The following CCDC7 variants were observed in gnomAD, a reference collection of about 807,000 sequenced individuals.
CCDC7 encodes coiled-coil domain-containing protein 7.
CCDC7 carries 183 observed loss-of-function variants against 196.9 expected under a neutral mutation model. The ratio of observed to expected loss-of-function variants is 0.93; its 90% CI spans 0.82 to 1.05. The LOEUF (loss-of-function observed/expected upper bound fraction) is 1.05. Ranked by LOEUF, CCDC7 falls within the 50% of genes least tolerant of loss-of-function variation. The pLI, the probability that CCDC7 is intolerant of heterozygous loss-of-function variation, is 0.00. For missense variants in CCDC7, 1,540 were observed against 1,482.2 expected (o/e 1.04, Z -0.64); for synonymous variants, 525 against 484.6 (o/e 1.08, Z -1.10).
intron 11 of CCDC7, among the ~76,000 whole-genome samples, chr10:32,532,651 G>C (rs2049858611): frequency 6.6e-6 from 1 of 152,084 alleles, no homozygotes; most frequent in Admixed American, 6.5e-5. Context: ...ATATATCTGG[G>C]AGTTCTGTTG....
intron 28 of CCDC7, among the ~76,000 whole-genome samples, chr10:32,750,574 G>A (rs1592330425): frequency 6.6e-6 from 1 of 152,190 alleles, no homozygotes; most frequent in African/African-American, 2.4e-5. Context: ...AGAAACCATG[G>A]AAATACATTC....
At chr10:32,687,926 G>T (rs2076647599) in intron 22 of CCDC7, among the ~76,000 whole-genome samples, 2 of 152,168 alleles carry the variant, frequency 1.3e-5, no homozygotes, top group African/African-American at 4.8e-5. Flanking sequence ...TTAGTGGGGA[G>T]TCCATCAAGC....
chr10:32,591,779 T>C (rs2059803575), intron 18 of CCDC7, among the ~76,000 whole-genome samples: 1 of 152,156 alleles, frequency 6.6e-6, no homozygotes. Flanking sequence ...TTTTGGTGAA[T>C]GCTGCCAGGC....
chr10:32,584,341 TG>T, intron 18 of CCDC7, 37 bp downstream of exon 19: 1 of 1,267,128 alleles, frequency 7.9e-7, no homozygotes, highest in Non-Finnish European at 1.1e-6. Flanking sequence ...AAAATGTGAT[TG>T]AATGATTATG....
At chr10:32,527,028 G>A (rs10827072) in intron 11 of CCDC7, among the ~76,000 whole-genome samples, 20,977 of 152,014 alleles carry the variant, frequency 0.14, 1,752 homozygotes, top group East Asian at 0.25. Context: ...AGTGTACCTG[G>A]GACCCCAGAG....
intron 11 of CCDC7, among the ~76,000 whole-genome samples, chr10:32,520,274 GT>G: frequency 1.3e-5 from 2 of 152,116 alleles, no homozygotes; most frequent in Middle Eastern, 3.4e-3. Context: ...TCTATTTTTA[GT>G]TTTTTGAGCA....
At chr10:32,824,735 A>G (rs2090864924) in intron 32 of CCDC7, 131 bp downstream of exon 33, 1 of 550,806 alleles carries the variant, frequency 1.8e-6, no homozygotes, top group East Asian at 2.8e-5. Context: ...ATTTCCTCCT[A>G]TAATTAGTTG....
intron 9 of CCDC7, chr10:32,499,020 C>G (rs563443183): frequency 6.6e-6 from 1 of 150,642 alleles, no homozygotes; most frequent in Admixed American, 6.6e-5. Flanking sequence ...CTTTCAGGTA[C>G]ATGAATCAAA....
intron 41 of CCDC7, among the ~76,000 whole-genome samples, chr10:32,857,628 A>G (rs556854398): frequency 3.3e-5 from 5 of 152,276 alleles, no homozygotes; most frequent in South Asian, 2.1e-4. Flanking sequence ...AAGCAGCAAA[A>G]GTAATTCTAA....
chr10:32,834,786 C>A (rs377151077), intron 32 of CCDC7, 29 bp from the exon 34 acceptor site: 2 of 1,021,986 alleles, frequency 2.0e-6, no homozygotes, highest in South Asian at 2.7e-5. Flanking sequence ...CCTTTCAAAG[C>A]GTTTTGAAAA....
At chr10:32,639,079 C>G (rs936114485) in intron 20 of CCDC7, among the ~76,000 whole-genome samples, 2 of 152,024 alleles carry the variant, frequency 1.3e-5, no homozygotes, top group Admixed American at 6.5e-5. Context: ...TGGTGATGTC[C>G]TCTTTATTAT....
chr10:32,484,187 A>C (rs2040537256), intron 8 of CCDC7, among the ~76,000 whole-genome samples: 1 of 152,100 alleles, frequency 6.6e-6, no homozygotes, highest in Non-Finnish European at 1.5e-5. Context: ...AGTGGTTTGT[A>C]GTTATCTTTG....
chr10:32,782,948 C>T (rs2081287998), intron 29 of CCDC7, among the ~76,000 whole-genome samples: 1 of 152,154 alleles, frequency 6.6e-6, no homozygotes. Context: ...CAGTCTTTTC[C>T]ACAAACCAGA....
chr10:32,445,516 CAATT>C (rs2030739197), upstream of CCDC7, among the ~76,000 whole-genome samples: 1 of 151,990 alleles, frequency 6.6e-6, no homozygotes, highest in African/African-American at 2.4e-5. Flanking sequence ...TAAATTGTAT[CAATT>C]AATATTTTAA....
intron 14 of CCDC7, 55 bp downstream of exon 15, chr10:32,565,675 A>C: frequency 1.9e-6 from 3 of 1,556,012 alleles, no homozygotes; most frequent in Non-Finnish European, 2.6e-6. Context: ...AATATCCACA[A>C]AGAACTTTTC....
intron 3 of CCDC7, among the ~76,000 whole-genome samples, chr10:32,459,489 G>A (rs111758066): frequency 1.8e-4 from 27 of 152,152 alleles, no homozygotes; most frequent in Middle Eastern, 6.8e-3. Context: ...CTCAAGGAAG[G>A]GGTGGGGCAA....
intron 21 of CCDC7, among the ~76,000 whole-genome samples, chr10:32,681,473 A>C (rs896518000): frequency 6.6e-6 from 1 of 152,108 alleles, no homozygotes; most frequent in Non-Finnish European, 1.5e-5. Flanking sequence ...ACCTTCCCCT[A>C]TAAAGAGGTT....
intron 29 of CCDC7, among the ~76,000 whole-genome samples, chr10:32,792,825 G>GCTTAATACA (rs2082927415): frequency 1.3e-5 from 2 of 152,106 alleles, no homozygotes; most frequent in Non-Finnish European, 2.9e-5. Context: ...GTAAGCCACA[G>GCTTAATACA]GGTAATTATA....
At chr10:32,512,515 A>G (rs2046376079) in intron 9 of CCDC7, 1 of 152,230 alleles carries the variant, frequency 6.6e-6, no homozygotes, top group Non-Finnish European at 1.5e-5. Flanking sequence ...AGGCAAAGGC[A>G]TCCATGTGGT....
Sources: gnomAD v4.1 joint callset for allele counts (sites outside exome capture counted in the v4.1 genomes callset) on GRCh38, gnomAD v4.1.1 for gene constraint, MANE v1.5 for transcripts, NCBI Gene and HGNC (gene_info 2026-07-23, HGNC 2026-07-21) for gene names.